The following SOX5 variants were observed in gnomAD, a reference collection of about 807,000 sequenced individuals.
SOX5 encodes transcription factor SOX-5.
Under a neutral mutation model 92.0 loss-of-function variants are expected in SOX5, and 9 were observed. The observed-to-expected ratio is 0.10, with a 90% CI of 0.06 to 0.17. The LOEUF (loss-of-function observed/expected upper bound fraction) is 0.17. Among genes scored for constraint, SOX5 ranks in the 10% least tolerant of loss-of-function variants. SOX5 has a pLI of 1.00. For missense variants in SOX5, 642 were observed against 944.5 expected (o/e 0.68, Z 4.20); for synonymous variants, 344 against 336.3 (o/e 1.02, Z -0.25).
At chr12:23,998,757 C>T (rs374280283) in intron 4 of SOX5, among the ~76,000 whole-genome samples, 5 of 139,276 alleles carry the variant, frequency 3.6e-5, no homozygotes, top group Admixed American at 1.6e-4. Context: ...GCCGAGATCA[C>T]GCCATTGCAC....
intron 2 of SOX5, among the ~76,000 whole-genome samples, chr12:24,317,203 G>A (rs2140870138): frequency 6.6e-6 from 1 of 152,274 alleles, no homozygotes; most frequent in African/African-American, 2.4e-5. Flanking sequence ...TTTTAAGAAA[G>A]CAATTTTTAA....
chr12:23,815,300 T>C (rs2095967215), intron 3 of SOX5, among the ~76,000 whole-genome samples: 1 of 152,220 alleles, frequency 6.6e-6, no homozygotes, highest in Admixed American at 6.5e-5. Context: ...CTGTCTTTCA[T>C]TATTTGGACA....
chr12:23,993,458 A>C (rs1382563717), intron 4 of SOX5, among the ~76,000 whole-genome samples: 4 of 152,156 alleles, frequency 2.6e-5, no homozygotes, highest in African/African-American at 9.7e-5. Context: ...CAGCAAAGCA[A>C]GTCAATGCTG....
intron 2 of SOX5, among the ~76,000 whole-genome samples, chr12:23,875,248 A>C (rs2096915341): frequency 6.6e-6 from 1 of 151,772 alleles, no homozygotes; most frequent in South Asian, 2.1e-4. Flanking sequence ...GTAACACATA[A>C]AGAGGCATTA....
At chr12:23,586,477 A>G (rs1260979932) in intron 9 of SOX5, among the ~76,000 whole-genome samples, 1 of 152,132 alleles carries the variant, frequency 6.6e-6, no homozygotes, top group South Asian at 2.1e-4. Flanking sequence ...GAAGAGTTTT[A>G]CGGGGAAAAA....
At chr12:23,818,696 T>C (rs980259187) in intron 3 of SOX5, among the ~76,000 whole-genome samples, 1 of 152,200 alleles carries the variant, frequency 6.6e-6, no homozygotes, top group Admixed American at 6.5e-5. Flanking sequence ...ACTGCTATAA[T>C]AACACAGGGT....
intron 6 of SOX5, among the ~76,000 whole-genome samples, chr12:23,672,134 G>A (rs1346238630): frequency 1.3e-5 from 2 of 151,690 alleles, no homozygotes; most frequent in Non-Finnish European, 2.9e-5. Context: ...AAAGTTATCC[G>A]ATGACTACAA....
At chr12:24,390,892 G>A (rs879799997) in intron 1 of SOX5, among the ~76,000 whole-genome samples, 22 of 152,084 alleles carry the variant, frequency 1.4e-4, no homozygotes, top group Admixed American at 3.9e-4. Context: ...ATAAACATGC[G>A]AATGCAGGTA....
chr12:24,368,471 T>A (rs1450935231), intron 2 of SOX5: 1 of 152,192 alleles, frequency 6.6e-6, no homozygotes. Context: ...CTTGCAAAAT[T>A]TATTTGCCAA....
chr12:24,296,731 G>T (rs962142705), intron 2 of SOX5, among the ~76,000 whole-genome samples: 1 of 149,150 alleles, frequency 6.7e-6, no homozygotes, highest in South Asian at 2.1e-4. Flanking sequence ...CAGCCAATAT[G>T]TTCTGTAGAT....
At chr12:24,144,171 A>C (rs1208152350) in intron 4 of SOX5, among the ~76,000 whole-genome samples, 8 of 152,180 alleles carry the variant, frequency 5.3e-5, no homozygotes, top group Admixed American at 5.2e-4. Flanking sequence ...CAGTGAGTGG[A>C]GCAAAATCTT....
At chr12:24,090,232 A>G (rs542382680) in intron 4 of SOX5, among the ~76,000 whole-genome samples, 1 of 152,318 alleles carries the variant, frequency 6.6e-6, no homozygotes, top group African/African-American at 2.4e-5. Flanking sequence ...CAACAAATCT[A>G]TAGTTTACAA....
At chr12:24,133,398 A>G (rs1949830540) in intron 4 of SOX5, among the ~76,000 whole-genome samples, 1 of 152,234 alleles carries the variant, frequency 6.6e-6, no homozygotes, top group African/African-American at 2.4e-5. Context: ...TAAGAAAGAT[A>G]AAGAAGAGAT....
chr12:23,583,457 G>A (rs1438621529), intron 9 of SOX5, among the ~76,000 whole-genome samples: 1 of 152,098 alleles, frequency 6.6e-6, no homozygotes, highest in African/African-American at 2.4e-5. Context: ...CAACAATAAT[G>A]TGTGATGAGA....
At chr12:23,838,601 T>C (rs948571115) in intron 3 of SOX5, among the ~76,000 whole-genome samples, 2 of 152,106 alleles carry the variant, frequency 1.3e-5, no homozygotes, top group Non-Finnish European at 2.9e-5. Flanking sequence ...ATTTTCTCTT[T>C]GTCTTTATTT....
At chr12:23,859,665 C>T (rs923993059) in intron 2 of SOX5, among the ~76,000 whole-genome samples, 1 of 152,150 alleles carries the variant, frequency 6.6e-6, no homozygotes, top group African/African-American at 2.4e-5. Flanking sequence ...CACCCCTCCC[C>T]TTTTGAAATC....
intron 1 of SOX5, among the ~76,000 whole-genome samples, chr12:23,908,011 T>C (rs1568869359): frequency 6.6e-6 from 1 of 152,162 alleles, no homozygotes; most frequent in Non-Finnish European, 1.5e-5. Flanking sequence ...CCACTCTTGC[T>C]CTCTCCCTCC....
chr12:23,679,964 T>TAA lies in SOX5; in HGVS notation c.811-14402_811-14401dup, dbSNP rs35192707. ...GGTTGCAATAAAAATTAGTAACAAG[T>TAA]AAAAAAAAACTTGAAAGAAGTTCAG... On this transcript the variant is annotated intron_variant, in intron 6 of 14. Transcript: ENST00000451604. 1.1e-3 allele frequency among the ~76,000 whole-genome samples: 167 copies of TAA among 150,652 alleles called. 1 individual carries two copies. Among genetic ancestry groups the TAA allele is most frequent in the South Asian group, 0.011 (51 of 4,774 alleles).
intron 4 of SOX5, among the ~76,000 whole-genome samples, chr12:24,016,680 A>G (rs1037942362): frequency 6.6e-6 from 1 of 152,206 alleles, no homozygotes; most frequent in African/African-American, 2.4e-5. Context: ...CACAACCCCA[A>G]AGAGTTTGGC....
Sources: allele counts gnomAD v4.1 joint callset (sites outside exome capture counted in the v4.1 genomes callset), GRCh38; gene constraint gnomAD v4.1.1; transcripts MANE v1.5; gene names NCBI Gene and HGNC (gene_info 2026-07-23, HGNC 2026-07-21).